The following ACSF2 variants were observed in gnomAD, a reference collection of about 807,000 sequenced individuals.
ACSF2 encodes acyl-CoA synthetase family member 2.
In ACSF2, 52 loss-of-function variants were observed where a neutral mutation model predicts 79.3. The observed-to-expected ratio is 0.66, with a 90% confidence interval of 0.53 to 0.83. ACSF2 has a LOEUF of 0.83. Ranked by LOEUF, ACSF2 falls within the 40% of genes least tolerant of loss-of-function variation. The probability of loss-of-function intolerance (pLI) is 0.00; values close to 1 mark genes in which losing one functional copy is unlikely to be tolerated. For missense variants in ACSF2, 661 were observed against 803.3 expected (o/e 0.82, Z 2.14); for synonymous variants, 283 against 312.6 (o/e 0.91, Z 1.00).
rs749364182 is a variant in ACSF2, at chr17:50,460,763, A to G, written c.215A>G (p.Lys72Arg). The change falls in exon 2 of 16, where the codon AAG (lysine) becomes AGG (arginine). Residue 72 changes from lysine (K) to arginine (R), a missense_variant. Transcript: ENST00000300441. ...TGCACCAAAAAGCATCTTAACAGCAAGACTGTGGGCCAGTGCCTGGAGACC... is the reference window on the plus strand; with the variant it reads ...TGCACCAAAAAGCATCTTAACAGCAGGACTGTGGGCCAGTGCCTGGAGACC... Reference protein sequence around the residue: ...QGCTKKHLNSKTVGQCLETTA... With the variant: ...QGCTKKHLNSRTVGQCLETTA... The G allele has an allele frequency of 1.2e-6, 2 of 1,613,474 alleles. No homozygotes were observed. Among genetic ancestry groups the G allele is most frequent in the South Asian group, 2.2e-5 (2 of 90,848 alleles).
chr17:50,454,010 A>G (rs1218918168), intron 1 of ACSF2, among the ~76,000 whole-genome samples: 2 of 152,024 alleles, frequency 1.3e-5, no homozygotes, highest in African/African-American at 4.8e-5. Context: ...CAAAACATAC[A>G]AAAAAATAGC....
At chr17:50,468,493 G>C (rs769038400) in intron 10 of ACSF2, 2 of 1,614,238 alleles carry the variant, frequency 1.2e-6, no homozygotes, top group South Asian at 2.2e-5. Context: ...TGTCGTTATG[G>C]GACAGGTACA....
At chr17:50,426,433 G>A in intron 1 of ACSF2, 44 bp downstream of exon 1, 1 of 1,281,834 alleles carries the variant, frequency 7.8e-7, no homozygotes, top group Non-Finnish European at 9.9e-7. Flanking sequence ...GCAGTTCCCC[G>A]GGAGAGGAAC....
intron 1 of ACSF2, among the ~76,000 whole-genome samples, chr17:50,457,773 T>A (rs1305776789): frequency 6.6e-6 from 1 of 152,192 alleles, no homozygotes; most frequent in East Asian, 1.9e-4. Flanking sequence ...GTATCCCTAG[T>A]ACCTGGCACA....
intron 1 of ACSF2, among the ~76,000 whole-genome samples, chr17:50,459,652 C>A (rs976618040): frequency 1.3e-5 from 2 of 152,086 alleles, no homozygotes; most frequent in Non-Finnish European, 2.9e-5. Flanking sequence ...TTGTCTCTTA[C>A]CTGGCAGGGC....
At chr17:50,429,549 G>A (rs139995078) in intron 1 of ACSF2, among the ~76,000 whole-genome samples, 3 of 149,024 alleles carry the variant, frequency 2.0e-5, no homozygotes, top group African/African-American at 7.6e-5. Flanking sequence ...GTGGAATTTC[G>A]CTCTTGTTGC....
intron 1 of ACSF2, among the ~76,000 whole-genome samples, chr17:50,454,394 A>G (rs1009868512): frequency 6.6e-6 from 1 of 152,072 alleles, no homozygotes; most frequent in Non-Finnish European, 1.5e-5. Context: ...AAAAAAAGAA[A>G]AAAGAAAGGA....
In ACSF2 at chr17:50,472,439, G is replaced by A; in HGVS notation, c.1335G>A (p.Met445Ile). ...CCATCCTGTCCCAGGCCCGGATCAT[G>A]AACATGGAGGCAGGGACGCTGGCAA... Reference protein sequence around the residue: ...RIMPHTEARIMNMEAGTLAKL... With the variant: ...RIMPHTEARIINMEAGTLAKL... Residue 445 changes from methionine to isoleucine, a missense_variant, in exon 12 of 16, where the codon ATG becomes ATA. By Grantham distance (10) the Met-to-Ile change is conservative (BLOSUM62 1). Coordinates refer to ENST00000300441, the MANE Select transcript of ACSF2 (RefSeq NM_025149.6). 6.2e-7 allele frequency: 1 copy of A among 1,612,378 alleles called. No homozygotes were observed. The highest frequency in any genetic ancestry group is 1.3e-5 in the African/African-American group (1 of 74,972).
At chr17:50,453,995 C>G (rs2031836291) in intron 1 of ACSF2, among the ~76,000 whole-genome samples, 1 of 151,818 alleles carries the variant, frequency 6.6e-6, no homozygotes, top group Admixed American at 6.6e-5. Flanking sequence ...AAAACCCCAT[C>G]TCTACAAAAC....
intron 10 of ACSF2, chr17:50,469,042 C>A (rs2032958347): frequency 7.6e-7 from 1 of 1,318,874 alleles, no homozygotes. Flanking sequence ...GTTCCCCCAG[C>A]CGGCTACCGT....
intron 12 of ACSF2, 81 bp downstream of exon 12, chr17:50,472,660 T>C: frequency 6.7e-7 from 1 of 1,484,622 alleles, no homozygotes; most frequent in South Asian, 1.4e-5. Context: ...AACATTAACC[T>C]GGCACCGTGA....
chr17:50,446,222 C>G (rs1157146400), intron 1 of ACSF2, among the ~76,000 whole-genome samples: 1 of 151,374 alleles, frequency 6.6e-6, no homozygotes, highest in African/African-American at 2.4e-5. Context: ...TTAATTATGA[C>G]TACATTGGCA....
intron 1 of ACSF2, among the ~76,000 whole-genome samples, 191 bp downstream of exon 1, chr17:50,426,580 AG>A (rs1915011273): frequency 6.6e-6 from 1 of 151,954 alleles, no homozygotes; most frequent in African/African-American, 2.4e-5. Flanking sequence ...TTGGGTGGGG[AG>A]GGGGCTTTGG....
chr17:50,454,793 C>T (rs2031890114), intron 1 of ACSF2, among the ~76,000 whole-genome samples: 1 of 152,158 alleles, frequency 6.6e-6, no homozygotes, highest in African/African-American at 2.4e-5. Flanking sequence ...GTCACACCAC[C>T]TGTCAGAGCC....
Position 50,456,890 on chromosome 17 carries a change from T to C in ACSF2, c.129-3787T>C, listed in dbSNP as rs530384008. On this transcript the variant is annotated intron_variant, in intron 1 of 15. Transcript: ENST00000300441. ...GTTCTGGCAACATAGTAAGACTCCA[T>C]CTCTACCAAAAAATAAAAATAAAAA... Among the ~76,000 whole-genome samples, 383 of 151,990 alleles carry C rather than the reference T, an allele frequency of 2.5e-3. 2 individuals are homozygous for C. The highest frequency in any genetic ancestry group is 8.8e-3 in the African/African-American group (366 of 41,454).
intron 9 of ACSF2, 104 bp downstream of exon 9, chr17:50,464,013 A>T: frequency 1.0e-6 from 1 of 970,092 alleles, no homozygotes; most frequent in African/African-American, 1.6e-5. Context: ...TATAGGGGGC[A>T]AGAAGGACGC....
intron 1 of ACSF2, among the ~76,000 whole-genome samples, chr17:50,435,358 C>CTT (rs11436627): frequency 4.0e-5 from 6 of 151,592 alleles, no homozygotes; most frequent in Non-Finnish European, 7.4e-5. Flanking sequence ...CACTTTGTAG[C>CTT]TTTTTTTCAT....
At chr17:50,432,697 C>T (rs2030033661) in intron 1 of ACSF2, among the ~76,000 whole-genome samples, 1 of 152,200 alleles carries the variant, frequency 6.6e-6, no homozygotes, top group Admixed American at 6.5e-5. Flanking sequence ...GCTTTATAAA[C>T]CTCAGTGGCA....
intron 1 of ACSF2, among the ~76,000 whole-genome samples, chr17:50,452,508 G>A (rs2031739603): frequency 6.6e-6 from 1 of 151,466 alleles, no homozygotes; most frequent in Admixed American, 6.6e-5. Context: ...AAAAAGAAGT[G>A]TCGGGTCGAG....
Sources: gnomAD v4.1 joint callset for allele counts (sites outside exome capture counted in the v4.1 genomes callset) on GRCh38, gnomAD v4.1.1 for gene constraint, MANE v1.5 for transcripts, NCBI Gene and HGNC (gene_info 2026-07-23, HGNC 2026-07-21) for gene names.